The following SLC39A11 variants were observed in gnomAD, a reference collection of about 807,000 sequenced individuals.
The protein encoded by SLC39A11 is solute carrier family 39 member 11.
In SLC39A11, 33 loss-of-function variants were observed where a neutral mutation model predicts 36.1. The ratio of observed to expected loss-of-function variants is 0.91; its 90% confidence interval spans 0.69 to 1.22. SLC39A11 has a LOEUF of 1.22. Among genes scored for constraint, SLC39A11 ranks in the 50% most tolerant of loss-of-function variants. SLC39A11 has a pLI of 0.00. For missense variants in SLC39A11, 432 were observed against 430.3 expected (o/e 1.00, Z -0.03); for synonymous variants, 166 against 170.3 (o/e 0.97, Z 0.20).
At chr17:72,735,530 T>A (rs1006980394) in intron 7 of SLC39A11, among the ~76,000 whole-genome samples, 1 of 152,192 alleles carries the variant, frequency 6.6e-6, no homozygotes, top group African/African-American at 2.4e-5. Flanking sequence ...CCAAGAGTGA[T>A]AAACCAGTCG....
intron 3 of SLC39A11, among the ~76,000 whole-genome samples, chr17:73,059,528 A>C (rs557918398): frequency 6.6e-6 from 1 of 152,024 alleles, no homozygotes; most frequent in South Asian, 2.1e-4. Context: ...TTAGCCGGGC[A>C]TGGGGGCGGC....
At chr17:72,743,512 T>C (rs760687634) in intron 6 of SLC39A11, among the ~76,000 whole-genome samples, 2 of 152,006 alleles carry the variant, frequency 1.3e-5, no homozygotes, top group Non-Finnish European at 2.9e-5. Context: ...GAACCACAAC[T>C]CCACGCTGCC....
chr17:73,049,663 A>C (rs1220751092), intron 3 of SLC39A11, among the ~76,000 whole-genome samples: 1 of 152,212 alleles, frequency 6.6e-6, no homozygotes, highest in East Asian at 1.9e-4. Context: ...TAAATTCTGC[A>C]ATATTTTTCA....
At chr17:73,039,260 C>A (rs914096499) in intron 3 of SLC39A11, among the ~76,000 whole-genome samples, 2 of 152,234 alleles carry the variant, frequency 1.3e-5, no homozygotes, top group African/African-American at 4.8e-5. Flanking sequence ...TCCCCGTATG[C>A]CTTCTGCAGA....
chr17:72,769,829 G>A (rs1346363859), intron 6 of SLC39A11, among the ~76,000 whole-genome samples: 1 of 152,110 alleles, frequency 6.6e-6, no homozygotes, highest in Non-Finnish European at 1.5e-5. Context: ...ACCGAGCCTG[G>A]CCATTAGAGG....
chr17:72,998,136 G>A (rs1225629841), intron 4 of SLC39A11, among the ~76,000 whole-genome samples: 3 of 152,210 alleles, frequency 2.0e-5, no homozygotes, highest in Non-Finnish European at 4.4e-5. Flanking sequence ...ACAGAAATGT[G>A]TTTTGATTGA....
chr17:72,773,093 G>GA (rs772063513), intron 6 of SLC39A11, among the ~76,000 whole-genome samples: 3 of 151,806 alleles, frequency 2.0e-5, no homozygotes, highest in Non-Finnish European at 2.9e-5. Flanking sequence ...TCTCAAAAAA[G>GA]AAAAAAGAAA....
chr17:72,802,601 A>AAAAAAAG (rs1555677037), intron 6 of SLC39A11, among the ~76,000 whole-genome samples: 1 of 150,880 alleles, frequency 6.6e-6, no homozygotes, highest in African/African-American at 2.5e-5. Flanking sequence ...AAAAAAAAAA[A>AAAAAAAG]AAAAGAAAAG....
chr17:72,820,539 C>A (rs921537923), intron 6 of SLC39A11, among the ~76,000 whole-genome samples: 7 of 151,188 alleles, frequency 4.6e-5, no homozygotes, highest in African/African-American at 1.7e-4. Context: ...TTACATGGCA[C>A]ATCCTACACT....
chr17:72,701,081 A>C (rs2072591224), intron 7 of SLC39A11, among the ~76,000 whole-genome samples: 1 of 152,260 alleles, frequency 6.6e-6, no homozygotes, highest in Non-Finnish European at 1.5e-5. Context: ...CTTGGGGGCC[A>C]CATTCACCTT....
At chr17:72,670,166 C>T (rs1274286651) in intron 7 of SLC39A11, among the ~76,000 whole-genome samples, 4 of 8,828 alleles carry the variant, frequency 4.5e-4, no homozygotes, top group East Asian at 4.4e-3. Flanking sequence ...TATATACACA[C>T]ACACACACAC....
chr17:73,065,751 C>T (rs140825401), intron 3 of SLC39A11, among the ~76,000 whole-genome samples: 51 of 152,306 alleles, frequency 3.3e-4, no homozygotes, highest in African/African-American at 1.1e-3. Context: ...ACTTCTCTGC[C>T]GCTTACAAAC....
At chr17:72,772,239 T>A (rs1313337022) in intron 6 of SLC39A11, among the ~76,000 whole-genome samples, 1 of 152,202 alleles carries the variant, frequency 6.6e-6, no homozygotes, top group Non-Finnish European at 1.5e-5. Context: ...GCTACAATTG[T>A]GCCTTCCTCT....
intron 5 of SLC39A11, among the ~76,000 whole-genome samples, chr17:72,934,250 A>C (rs577018484): frequency 1.3e-5 from 2 of 152,370 alleles, no homozygotes; most frequent in East Asian, 3.9e-4. Context: ...CAGTTCATCA[A>C]GATTAAAAAC....
chr17:72,716,586 A>G (rs1327655159), intron 7 of SLC39A11, among the ~76,000 whole-genome samples: 1 of 152,062 alleles, frequency 6.6e-6, no homozygotes, highest in Non-Finnish European at 1.5e-5. Context: ...AAAATCGGAA[A>G]CTTTAACCCA....
At chr17:72,744,647 G>T (rs1018949007) in intron 6 of SLC39A11, among the ~76,000 whole-genome samples, 1 of 152,118 alleles carries the variant, frequency 6.6e-6, no homozygotes, top group African/African-American at 2.4e-5. Context: ...GTGAGGGCTA[G>T]CTTCCTGGTT....
chr17:72,877,458 C>G (rs191363458), intron 5 of SLC39A11, among the ~76,000 whole-genome samples: 1 of 152,158 alleles, frequency 6.6e-6, no homozygotes, highest in African/African-American at 2.4e-5. Flanking sequence ...GCCAGTGCCA[C>G]GTTAAAATGG....
chr17:72,664,864 C>A (rs940382874), intron 7 of SLC39A11, among the ~76,000 whole-genome samples: 7 of 152,170 alleles, frequency 4.6e-5, no homozygotes, highest in African/African-American at 7.2e-5. Context: ...CTGATTTCTT[C>A]TTCTATTGAT....
At chr17:72,970,709 G>T (rs1013857164) in intron 4 of SLC39A11, among the ~76,000 whole-genome samples, 1 of 152,234 alleles carries the variant, frequency 6.6e-6, no homozygotes, top group Non-Finnish European at 1.5e-5. Context: ...CTAAGAAAAT[G>T]GCAATCCAGG....
Sources: gnomAD v4.1 joint callset for allele counts (sites outside exome capture counted in the v4.1 genomes callset) on GRCh38, gnomAD v4.1.1 for gene constraint, MANE v1.5 for transcripts, NCBI Gene and HGNC (gene_info 2026-07-23, HGNC 2026-07-21) for gene names.